The following APLF variants were observed in gnomAD, a reference collection of about 807,000 sequenced individuals.
APLF encodes the protein aprataxin and PNK-like factor.
APLF carries 61 observed loss-of-function variants against 55.6 expected under a neutral mutation model. That is an observed-to-expected ratio of 1.10 (90% CI 0.89 to 1.36). APLF has a LOEUF of 1.36. Ranked by LOEUF, APLF falls within the 40% of genes most tolerant of loss-of-function variation. APLF has a pLI of 0.00. For synonymous variants in APLF, 207 were observed against 214.8 expected, an observed-to-expected ratio of 0.96 and a Z score of 0.32; for missense variants, 611 against 602.5, an observed-to-expected ratio of 1.01 and a Z score of -0.15.
chr2:68,486,108 C>G (rs150267994), intron 1 of APLF, among the ~76,000 whole-genome samples: 1 of 152,020 alleles, frequency 6.6e-6, no homozygotes, highest in East Asian at 1.9e-4. Context: ...AGTTTTTTTG[C>G]ACTGGTTTCT....
At chr2:68,512,204 TC>T (rs1324227027) in intron 3 of APLF, among the ~76,000 whole-genome samples, 5 of 151,660 alleles carry the variant, frequency 3.3e-5, no homozygotes, top group African/African-American at 4.8e-5. Context: ...TTGTAGTCTG[TC>T]CCTTCACTCC....
chr2:68,541,179 G>A (rs1470074892), intron 7 of APLF, among the ~76,000 whole-genome samples: 1 of 152,054 alleles, frequency 6.6e-6, no homozygotes, highest in Non-Finnish European at 1.5e-5. Context: ...AACATATAAA[G>A]TACAGGTAGC....
rs60590885 is a variant in APLF, at chr2:68,565,514, G to GATAGATAGATAGATAC, written c.1287-1824_1287-1823insGATAGATAGATACATA. ...AGTTAGATAGACAGATAGACAGATAGATACATACATACATACATACATACA... is the reference window on the plus strand; with the variant it reads ...AGTTAGATAGACAGATAGACAGATAGATAGATAGATAGATACATACATACATACATACATACATACA... On this transcript the variant is annotated intron_variant, in intron 8 of 9. Transcript: ENST00000303795. Among the ~76,000 whole-genome samples the GATAGATAGATAGATAC allele has an allele frequency of 5.1e-3, 763 of 149,018 alleles. 2 individuals are homozygous for GATAGATAGATAGATAC. The highest frequency in any genetic ancestry group is 0.018 in the African/African-American group (720 of 40,178).
intron 2 of APLF, among the ~76,000 whole-genome samples, chr2:68,501,351 G>A (rs7563017): frequency 0.15 from 22,599 of 151,732 alleles, 3,700 homozygotes; most frequent in African/African-American, 0.41. Flanking sequence ...TGTCTCCAGA[G>A]GAAGTCTCAT....
intron 1 of APLF, among the ~76,000 whole-genome samples, chr2:68,489,749 A>C (rs562294832): frequency 6.6e-6 from 1 of 152,254 alleles, no homozygotes; most frequent in South Asian, 2.1e-4. Flanking sequence ...ACCCTTTTAC[A>C]CTTACCAGAT....
chr2:68,543,674 C>A (rs142046052), intron 7 of APLF, among the ~76,000 whole-genome samples: 2 of 152,004 alleles, frequency 1.3e-5, no homozygotes, highest in Non-Finnish European at 1.5e-5. Context: ...GAAGTCAATA[C>A]CTGAAATGAA....
At chr2:68,508,492 T>C (rs72900098) in intron 3 of APLF, among the ~76,000 whole-genome samples, 11,641 of 151,852 alleles carry the variant, frequency 0.077, 1,296 homozygotes, top group African/African-American at 0.24. Flanking sequence ...ATATAAGCAC[T>C]AAAACTACAA....
rs780903733 is a variant in APLF at position 68,537,945 on chromosome 2, G to A, written c.878G>A (p.Arg293Lys). The A allele has an allele frequency of 6.2e-7, 1 of 1,613,804 alleles. No homozygotes were observed. The highest frequency in any genetic ancestry group is 1.7e-5 in the Admixed American group (1 of 59,966). ...AATAATATTAAGACTAATGCACAGA[G>A]AAACAAACTTCCAATAGAGGAACTT... ...EMNNIKTNAQ[R>K]NKLPIEELGK... is the part of the protein sequence containing the mutation. Residue 293 changes from arginine to lysine, a missense_variant, in exon 7 of 10, where the codon AGA (arginine) becomes AAA (lysine). Transcript: ENST00000303795.
chr2:68,527,877 C>T lies in APLF; in HGVS notation c.804+1635C>T, dbSNP rs193077685. ...AGACGGTGGAGTAGCCGGGCAGAGG[C>T]GCTTCTCACTTCCCAGACAGGGTGG... On this transcript the variant is annotated intron_variant, in intron 6 of 9. Coordinates refer to ENST00000303795, the MANE Select transcript of APLF (RefSeq NM_173545.3). Among the ~76,000 whole-genome samples, 495 of 143,650 alleles carry T rather than the reference C, an allele frequency of 3.4e-3. 3 individuals are homozygous for T. Among genetic ancestry groups the T allele is most frequent in the African/African-American group, 0.012 (453 of 38,412 alleles). 94.2% of individuals were successfully genotyped at this position (143,650 alleles called of 152,430 possible).
chr2:68,567,534 T>TAA (rs71395979), intron 9 of APLF, 147 bp downstream of exon 9: 148 of 654,106 alleles, frequency 2.3e-4, no homozygotes, highest in Middle Eastern at 9.0e-4. Context: ...TTTCTTATAT[T>TAA]AAAAAAAAAC....
At position 68,513,574 on chromosome 2, in the gene APLF, C is replaced by T; in HGVS notation, c.516C>T (p.Cys172=). The T allele has an allele frequency of 6.2e-7, 1 of 1,611,290 alleles. No homozygotes were observed. Among genetic ancestry groups the T allele is most frequent in the Non-Finnish European group, 8.5e-7 (1 of 1,178,190 alleles). The change falls in exon 5 of 10, where the codon TGC becomes TGT. Residue 172 remains cysteine (C), a synonymous_variant. Coordinates refer to ENST00000303795, the MANE Select transcript of APLF (RefSeq NM_173545.3). ...SVSFLGENRD[C]NKQQPILAER... is the part of the protein sequence containing the mutation. The stretch of plus-strand genomic sequence containing the variant: ...CTTTCCTAGGTGAAAATAGAGACTG[C>T]AATAAGCAGCAGCCAATCCTTGCCG...
Position 68,518,893 on chromosome 2 carries a change from A to G in APLF, c.622+5213A>G, listed in dbSNP as rs1270459806. On this transcript the variant is annotated intron_variant, in intron 5 of 9. Coordinates refer to ENST00000303795, the MANE Select transcript of APLF (RefSeq NM_173545.3). The stretch of plus-strand genomic sequence containing the variant: ...ATATGTAATAAAATATTAATATTAT[A>G]TCATTAATATATAATAAAATAATAA... Among the ~76,000 whole-genome samples the G allele has an allele frequency of 7.2e-4, 90 of 125,792 alleles. 1 individual carries two copies. Among genetic ancestry groups the G allele is most frequent in the African/African-American group, 2.6e-3 (84 of 31,838 alleles). The allele number at this position is 125,792 out of a possible 152,430, so 82.5% of individuals were successfully genotyped here.
In APLF at chr2:68,538,197, C is replaced by T. The variant is rs373256373; in HGVS notation, c.1130C>T (p.Thr377Ile). The change falls in exon 7 of 10, where the codon ACA (threonine) becomes ATA (isoleucine). Residue 377 changes from threonine (T) to isoleucine (I), a missense_variant. Thr to Ile is a moderately conservative substitution (Grantham distance 89). Coordinates refer to ENST00000303795, the MANE Select transcript of APLF (RefSeq NM_173545.3). ...TCTGAAGGAAACAAGGTCAAGAGGA[C>T]ATCCTGCATGTATGGGGCAAACTGC... The part of the protein sequence containing the change: ...QGSEGNKVKR[T>I]SCMYGANCYR... The T allele has an allele frequency of 2.7e-5, 44 of 1,609,404 alleles. No individual in the cohort carries two copies. Among genetic ancestry groups the T allele is most frequent in the Non-Finnish European group, 3.4e-5 (40 of 1,178,610 alleles).
intron 5 of APLF, among the ~76,000 whole-genome samples, chr2:68,514,969 T>C (rs1425146638): frequency 1.3e-5 from 2 of 151,994 alleles, no homozygotes; most frequent in East Asian, 3.9e-4. Flanking sequence ...AACATTGTTT[T>C]TTAAAAATTA....
intron 3 of APLF, among the ~76,000 whole-genome samples, chr2:68,505,444 A>C (rs1260113490): frequency 6.6e-6 from 1 of 151,978 alleles, no homozygotes; most frequent in Non-Finnish European, 1.5e-5. Context: ...CAAGTGTCAC[A>C]CTTTAAATTT....
chr2:68,527,020 A>G (rs1670079509), intron 6 of APLF, among the ~76,000 whole-genome samples: 1 of 152,216 alleles, frequency 6.6e-6, no homozygotes, highest in Non-Finnish European at 1.5e-5. Context: ...GTTGCGCAGT[A>G]GCTGGGCAGA....
chr2:68,496,769 C>A lies in APLF; in HGVS notation c.169-5962C>A, dbSNP rs570064058. On this transcript the variant is annotated intron_variant, in intron 2 of 9. Coordinates refer to ENST00000303795, the MANE Select transcript of APLF (RefSeq NM_173545.3). ...TAAGACGTAACATACTTGACCTTTG[C>A]TCTAGTTCCCGATAAGTTCCTCATT... 8.5e-5 allele frequency among the ~76,000 whole-genome samples: 13 copies of A among 152,306 alleles called. No individual in the cohort carries two copies. The East Asian group carries it at 1.5e-3, about 18-fold the overall frequency.
chr2:68,532,266 C>T (rs562139228), intron 6 of APLF, among the ~76,000 whole-genome samples: 108 of 152,286 alleles, frequency 7.1e-4, no homozygotes, highest in African/African-American at 2.5e-3. Flanking sequence ...AAACTAACAA[C>T]AGTTTGGCCA....
intron 8 of APLF, among the ~76,000 whole-genome samples, chr2:68,562,147 G>A (rs976889506): frequency 1.3e-5 from 2 of 151,972 alleles, no homozygotes; most frequent in Non-Finnish European, 2.9e-5. Flanking sequence ...GCACAGAAAG[G>A]CAGTTACCAC....
Sources: gnomAD v4.1 joint callset for allele counts (sites outside exome capture counted in the v4.1 genomes callset) on GRCh38, gnomAD v4.1.1 for gene constraint, MANE v1.5 for transcripts, NCBI Gene and HGNC (gene_info 2026-07-23, HGNC 2026-07-21) for gene names.